EDARADD: variants seen among roughly 807,000 people sequenced by gnomAD.
The protein encoded by EDARADD is ectodysplasin-A receptor-associated adapter protein.
In EDARADD, 20 loss-of-function variants were observed where a neutral mutation model predicts 25.6. That is an observed-to-expected ratio of 0.78 (90% CI 0.55 to 1.14). The LOEUF (loss-of-function observed/expected upper bound fraction) is 1.14, where lower values mean the gene tolerates loss of function less well. Among genes scored for constraint, EDARADD ranks in the 50% most tolerant of loss-of-function variants. The pLI is 0.00. For synonymous variants in EDARADD, 86 were observed against 94.4 expected, an observed-to-expected ratio of 0.91 and a Z score of 0.52; for missense variants, 225 against 270.1, an observed-to-expected ratio of 0.83 and a Z score of 1.17.
upstream of EDARADD, among the ~76,000 whole-genome samples, chr1:236,392,357 G>A (rs574070555): frequency 6.6e-6 from 1 of 152,154 alleles, no homozygotes; most frequent in Non-Finnish European, 1.5e-5. Context: ...TGGAGACAGG[G>A]TCTCATTCTG....
intron 5 of EDARADD, among the ~76,000 whole-genome samples, chr1:236,478,947 C>T (rs780137883): frequency 6.6e-6 from 1 of 151,964 alleles, no homozygotes; most frequent in Admixed American, 6.6e-5. Flanking sequence ...TGTTCTCACT[C>T]ATAAGTGGGA....
intron 4 of EDARADD, among the ~76,000 whole-genome samples, chr1:236,443,657 A>T (rs925690913): frequency 5.3e-5 from 8 of 152,232 alleles, no homozygotes; most frequent in Non-Finnish European, 1.0e-4. Flanking sequence ...CTTATGGATG[A>T]GCAAAGAAAG....
chr1:236,374,638 C>T (rs1667205822), intron 3 of EDARADD, among the ~76,000 whole-genome samples: 1 of 151,880 alleles, frequency 6.6e-6, no homozygotes, highest in Non-Finnish European at 1.5e-5. Flanking sequence ...AATAATTGAC[C>T]CCTTTATTAT....
At chr1:236,363,000 AAAAAAAAT>A (rs1280965017) in intron 3 of EDARADD, among the ~76,000 whole-genome samples, 2 of 57,284 alleles carry the variant, frequency 3.5e-5, no homozygotes, top group African/African-American at 7.5e-5. Context: ...AAAAAAAAAA[AAAAAAAAT>A]ATATATATAT....
At chr1:236,416,429 T>C (rs1170009737) in intron 3 of EDARADD, among the ~76,000 whole-genome samples, 1 of 152,210 alleles carries the variant, frequency 6.6e-6, no homozygotes, top group Non-Finnish European at 1.5e-5. Flanking sequence ...CTCAATATCT[T>C]TTTTTGTCAC....
At chr1:236,397,816 T>C (rs766903214) in intron 1 of EDARADD, among the ~76,000 whole-genome samples, 2 of 152,156 alleles carry the variant, frequency 1.3e-5, no homozygotes, top group Non-Finnish European at 2.9e-5. Context: ...GTCTATAAAA[T>C]GAGCGCTCCT....
chr1:236,373,747 A>G (rs899815872), intron 3 of EDARADD, among the ~76,000 whole-genome samples: 2 of 152,126 alleles, frequency 1.3e-5, no homozygotes, highest in Non-Finnish European at 2.9e-5. Context: ...AAGTGGAAGC[A>G]TAGACTATTG....
chr1:236,374,726 C>T (rs1003064554), intron 3 of EDARADD, among the ~76,000 whole-genome samples: 1 of 151,788 alleles, frequency 6.6e-6, no homozygotes, highest in African/African-American at 2.4e-5. Flanking sequence ...TAGCTATTTT[C>T]ACTTTCTTTT....
chr1:236,458,648 T>C (rs1430246463), intron 4 of EDARADD, among the ~76,000 whole-genome samples: 1 of 145,520 alleles, frequency 6.9e-6, no homozygotes, highest in African/African-American at 2.6e-5. Context: ...TTTCTTTTTT[T>C]TTTTTTTTTT....
intron 3 of EDARADD, among the ~76,000 whole-genome samples, chr1:236,363,006 A>AAAAAAT (rs1377112051): frequency 2.6e-4 from 11 of 42,948 alleles, no homozygotes; most frequent in South Asian, 9.4e-4. Flanking sequence ...AAAAAAAAAA[A>AAAAAAT]ATATATATAT....
intron 3 of EDARADD, among the ~76,000 whole-genome samples, chr1:236,361,426 T>C (rs1191568657): frequency 6.6e-6 from 1 of 151,870 alleles, no homozygotes; most frequent in Admixed American, 6.6e-5. Flanking sequence ...GTGATTCTCC[T>C]TCCTCAGCCT....
At chr1:236,416,277 A>G (rs1657638687) in intron 3 of EDARADD, among the ~76,000 whole-genome samples, 1 of 152,202 alleles carries the variant, frequency 6.6e-6, no homozygotes, top group African/African-American at 2.4e-5. Flanking sequence ...AACACCAGAC[A>G]GGGGTGCAGG....
intron 1 of EDARADD, among the ~76,000 whole-genome samples, chr1:236,396,286 A>G (rs544211693): frequency 3.3e-5 from 5 of 152,138 alleles, no homozygotes; most frequent in Admixed American, 6.5e-5. Context: ...ATTTTTCTCT[A>G]TTCTCTCACG....
In EDARADD at chr1:236,450,022, A is replaced by T. The variant is rs1658667436; in HGVS notation, c.220-18209A>T. Among the ~76,000 whole-genome samples, 6 of 151,758 alleles carry T rather than the reference A, an allele frequency of 4.0e-5. No homozygotes were observed. In the South Asian group the frequency reaches 1.3e-3, roughly 32 times the overall value. On this transcript the variant is annotated intron_variant, in intron 4 of 5. Transcript: ENST00000334232. ...AGGCTGAGGCATGAGAATCCCTTGA[A>T]CCCGGGAGGCGGAGGTTGCAGTGAG...
rs1488709048 is a variant in EDARADD at position 236,447,195 on chromosome 1, TCTTTCTTTCTTTCTTTCTTTCTTTCTTTC to T, written c.219+19755_219+19783del. Among the ~76,000 whole-genome samples, 359 of 63,580 alleles carry T rather than the reference TCTTTCTTTCTTTCTTTCTTTCTTTCTTTC, an allele frequency of 5.6e-3. 5 individuals are homozygous for T. Among genetic ancestry groups the T allele is most frequent in the Admixed American group, 0.04 (245 of 6,078 alleles). The allele number at this position is 63,580 out of a possible 152,430, so 41.7% of individuals were successfully genotyped here. On this transcript the variant is annotated intron_variant, in intron 4 of 5. Coordinates refer to ENST00000334232, the MANE Select transcript of EDARADD (RefSeq NM_145861.4). Reference sequence around the variant, plus strand: ...CTCTTTCTTTCTTTCTTTCTTTCTTTCTTTCTTTCTTTCTTTCTTTCTTTCTTTCCTTTCTTTCCTTTCTTTCCTTTCTT... The same window carrying T: ...CTCTTTCTTTCTTTCTTTCTTTCTTTCTTTCTTTCCTTTCTTTCCTTTCTT...
At chr1:236,357,007 C>T (rs1201071806) in intron 3 of EDARADD, among the ~76,000 whole-genome samples, 1 of 151,820 alleles carries the variant, frequency 6.6e-6, no homozygotes, top group Non-Finnish European at 1.5e-5. Context: ...TTGCTTGAAC[C>T]CAGGAGGGGG....
At chr1:236,393,571 A>AT (rs538135907), upstream of EDARADD, among the ~76,000 whole-genome samples, 57 of 151,084 alleles carry the variant, frequency 3.8e-4, no homozygotes, top group African/African-American at 1.1e-3. Context: ...AGTTTTTTGT[A>AT]TTTTTAGTAG....
At chr1:236,467,453 C>CATACAG (rs1553270583) in intron 4 of EDARADD, among the ~76,000 whole-genome samples, 1 of 149,142 alleles carries the variant, frequency 6.7e-6, no homozygotes, top group African/African-American at 2.6e-5. Context: ...CACACACACA[C>CATACAG]ACATACACAC....
At chr1:236,464,723 G>A (rs1488135404) in intron 4 of EDARADD, among the ~76,000 whole-genome samples, 2 of 151,926 alleles carry the variant, frequency 1.3e-5, no homozygotes, top group Non-Finnish European at 2.9e-5. Flanking sequence ...ATGAGCCACC[G>A]TGCCTGGCCA....
Sources: gnomAD v4.1 joint callset for allele counts (sites outside exome capture counted in the v4.1 genomes callset) on GRCh38, gnomAD v4.1.1 for gene constraint, MANE v1.5 for transcripts, NCBI Gene and HGNC (gene_info 2026-07-23, HGNC 2026-07-21) for gene names.